Variants in ZBTB20 observed in about 807,000 individuals in gnomAD.
The protein encoded by ZBTB20 is zinc finger and BTB domain containing 20.
In ZBTB20, 9 loss-of-function variants were observed where a neutral mutation model predicts 56.9. The observed-to-expected ratio is 0.16, with a 90% CI of 0.10 to 0.28. The LOEUF (loss-of-function observed/expected upper bound fraction) is 0.28. Ranked by LOEUF, ZBTB20 falls within the 10% of genes least tolerant of loss-of-function variation. ZBTB20 has a pLI of 1.00. For synonymous variants in ZBTB20, 417 were observed against 420.7 expected, an observed-to-expected ratio of 0.99 and a Z score of 0.11; for missense variants, 655 against 1,003.0, an observed-to-expected ratio of 0.65 and a Z score of 4.69.
intron 3 of ZBTB20, among the ~76,000 whole-genome samples, chr3:114,914,312 G>A (rs80104139): frequency 0.11 from 16,956 of 151,350 alleles, 1,048 homozygotes; most frequent in Admixed American, 0.2. Context: ...TTATTTCCTA[G>A]GTATTTAATT....
At chr3:114,701,656 C>T (rs982490516) in intron 5 of ZBTB20, among the ~76,000 whole-genome samples, 2 of 151,978 alleles carry the variant, frequency 1.3e-5, no homozygotes, top group African/African-American at 2.4e-5. Context: ...TAAAAAGTTG[C>T]GAAGTGAGGT....
chr3:114,405,423 G>A (rs1400706236), intron 7 of ZBTB20, among the ~76,000 whole-genome samples: 4 of 152,126 alleles, frequency 2.6e-5, no homozygotes, highest in African/African-American at 9.7e-5. Flanking sequence ...ATCCCTCTCA[G>A]TCTGACGGTC....
intron 1 of ZBTB20, among the ~76,000 whole-genome samples, chr3:115,146,881 C>G (rs1287976185): frequency 6.6e-6 from 1 of 151,516 alleles, no homozygotes; most frequent in South Asian, 2.1e-4. Context: ...TGCGGGACGT[C>G]CCGCCCGCCC....
At chr3:114,589,780 A>C (rs575234785) in intron 6 of ZBTB20, among the ~76,000 whole-genome samples, 227 of 152,350 alleles carry the variant, frequency 1.5e-3, no homozygotes, top group African/African-American at 5.1e-3. Flanking sequence ...ATGCAGCTTC[A>C]GTTCCTAGAA....
intron 7 of ZBTB20, among the ~76,000 whole-genome samples, chr3:114,496,162 C>A (rs2109584205): frequency 6.6e-6 from 1 of 152,278 alleles, no homozygotes; most frequent in Non-Finnish European, 1.5e-5. Flanking sequence ...AGAACATAGG[C>A]TTTGAAAACA....
chr3:114,558,705 AT>A (rs1243627083), intron 6 of ZBTB20, among the ~76,000 whole-genome samples: 2 of 152,154 alleles, frequency 1.3e-5, no homozygotes, highest in African/African-American at 4.8e-5. Context: ...GTGACATTAG[AT>A]TCTACTACAA....
intron 6 of ZBTB20, among the ~76,000 whole-genome samples, chr3:114,549,785 AGAGTTTT>A (rs1166018341): frequency 3.8e-4 from 56 of 148,186 alleles, no homozygotes; most frequent in Middle Eastern, 3.5e-3. Context: ...TGCTGTTAAT[AGAGTTTT>A]GGTGACTCTA....
intron 2 of ZBTB20, among the ~76,000 whole-genome samples, chr3:115,034,957 T>C (rs1386043610): frequency 1.3e-5 from 2 of 152,054 alleles, no homozygotes; most frequent in Admixed American, 6.5e-5. Context: ...AATTATTCAA[T>C]GGGGAACAGA....
At chr3:114,533,552 T>C (rs1473645030) in intron 6 of ZBTB20, among the ~76,000 whole-genome samples, 1 of 152,166 alleles carries the variant, frequency 6.6e-6, no homozygotes, top group Non-Finnish European at 1.5e-5. Flanking sequence ...TGGAACCAAG[T>C]TGGAAAATTC....
intron 5 of ZBTB20, among the ~76,000 whole-genome samples, chr3:114,765,155 C>A (rs1178581937): frequency 1.3e-5 from 2 of 152,106 alleles, no homozygotes; most frequent in Non-Finnish European, 2.9e-5. Flanking sequence ...TTGAGTCCTG[C>A]AGAAATCATT....
At chr3:114,898,556 C>T (rs561655081) in intron 4 of ZBTB20, among the ~76,000 whole-genome samples, 4 of 152,208 alleles carry the variant, frequency 2.6e-5, no homozygotes, top group South Asian at 2.1e-4. Flanking sequence ...TTTTAGGACA[C>T]AATCCCTCTA....
At chr3:114,478,022 C>T (rs978114321) in intron 7 of ZBTB20, among the ~76,000 whole-genome samples, 23 of 142,818 alleles carry the variant, frequency 1.6e-4, no homozygotes, top group African/African-American at 2.6e-5. Context: ...TTCTTGTTGC[C>T]CAGGCTGCAG....
In ZBTB20 at chr3:114,544,386, C is replaced by T. The variant is rs140245095; in HGVS notation, c.-294-43995G>A. ...CTAACACCAATAAAATTACCTGTAG[C>T]ACTCTTAAAAACTAGATTTCTTCTT... is the stretch of plus-strand genomic sequence containing the variant. On this transcript the variant is annotated intron_variant, in intron 6 of 11. Coordinates refer to ENST00000675478, the MANE Select transcript of ZBTB20 (RefSeq NM_001348800.3). Among the ~76,000 whole-genome samples the T allele has an allele frequency of 1.7e-3, 262 of 151,730 alleles. 1 individual carries two copies. Among genetic ancestry groups the T allele is most frequent in the African/African-American group, 6.0e-3 (247 of 41,390 alleles).
chr3:115,055,934 A>C (rs1221524105), intron 2 of ZBTB20, among the ~76,000 whole-genome samples: 1 of 152,148 alleles, frequency 6.6e-6, no homozygotes, highest in Non-Finnish European at 1.5e-5. Context: ...CCTTGGCATA[A>C]TCCAAGGTAA....
Position 114,708,986 on chromosome 3 carries a change from T to C in ZBTB20, c.-342-15411A>G, listed in dbSNP as rs140111865. ...TAAAAGTGACCCTCTGTAGGCACTC[T>C]TTTGTCTCTAGAAGTCTTCCTTCTC... On this transcript the variant is annotated intron_variant, in intron 5 of 11. Transcript: ENST00000675478. Among the ~76,000 whole-genome samples the C allele has an allele frequency of 2.0e-3, 310 of 152,264 alleles. 1 individual carries two copies. Among genetic ancestry groups the C allele is most frequent in the African/African-American group, 7.0e-3 (291 of 41,572 alleles).
intron 4 of ZBTB20, among the ~76,000 whole-genome samples, chr3:114,819,510 A>G (rs1323806777): frequency 6.6e-6 from 1 of 151,988 alleles, no homozygotes; most frequent in Non-Finnish European, 1.5e-5. Flanking sequence ...TAGTCCAGAA[A>G]TAGATCCTAA....
chr3:114,620,871 T>C (rs950422242), intron 6 of ZBTB20, among the ~76,000 whole-genome samples: 4 of 152,218 alleles, frequency 2.6e-5, no homozygotes, highest in African/African-American at 9.6e-5. Context: ...TTGGGTTTTA[T>C]GGAAAACTTC....
At chr3:114,709,106 A>C (rs2063890487) in intron 5 of ZBTB20, among the ~76,000 whole-genome samples, 1 of 152,150 alleles carries the variant, frequency 6.6e-6, no homozygotes. Context: ...CAAATAAAAA[A>C]TCTTATTAAA....
intron 7 of ZBTB20, among the ~76,000 whole-genome samples, chr3:114,413,208 A>T (rs1296636493): frequency 1.3e-5 from 2 of 152,196 alleles, no homozygotes; most frequent in Non-Finnish European, 2.9e-5. Flanking sequence ...CCAGGCAAGG[A>T]TATGGTAAAT....
Sources: allele counts gnomAD v4.1 joint callset (sites outside exome capture counted in the v4.1 genomes callset), GRCh38; gene constraint gnomAD v4.1.1; transcripts MANE v1.5; gene names NCBI Gene and HGNC (gene_info 2026-07-23, HGNC 2026-07-21).